The following YAF2 variants were observed in gnomAD, a reference collection of about 807,000 sequenced individuals.
YAF2 encodes YY1 associated factor 2.
In YAF2, 7 loss-of-function variants were observed where a neutral mutation model predicts 20.1. The ratio of observed to expected loss-of-function variants is 0.35; its 90% CI spans 0.20 to 0.65. YAF2 has a LOEUF of 0.65. YAF2 is among the 30% of genes least tolerant of loss of function. The probability of loss-of-function intolerance (pLI) is 0.69; values close to 1 mark genes in which losing one functional copy is unlikely to be tolerated. For missense variants in YAF2, 151 were observed against 219.2 expected (o/e 0.69, Z 1.96); for synonymous variants, 74 against 76.0 (o/e 0.97, Z 0.14).
intron 2 of YAF2, among the ~76,000 whole-genome samples, chr12:42,191,411 G>A (rs1042807835): frequency 6.6e-6 from 1 of 151,250 alleles, no homozygotes; most frequent in Non-Finnish European, 1.5e-5. Context: ...ATCTTGTTTT[G>A]ACCATCCATT....
At chr12:42,227,088 T>C (rs2067734929) in intron 2 of YAF2, among the ~76,000 whole-genome samples, 1 of 142,972 alleles carries the variant, frequency 7.0e-6, no homozygotes, top group Non-Finnish European at 1.5e-5. Context: ...GCCGGGAGGA[T>C]GGAGTTCAGC....
chr12:42,224,702 T>C (rs986527352), intron 2 of YAF2, among the ~76,000 whole-genome samples: 1 of 152,214 alleles, frequency 6.6e-6, no homozygotes, highest in African/African-American at 2.4e-5. Flanking sequence ...GCAAAGGACA[T>C]GAACTCATCC....
At chr12:42,227,678 C>A (rs1484639538) in intron 2 of YAF2, among the ~76,000 whole-genome samples, 1 of 150,878 alleles carries the variant, frequency 6.6e-6, no homozygotes, top group Admixed American at 6.6e-5. Flanking sequence ...AGCCTCTCCG[C>A]CCGGCAGCCA....
In YAF2 at chr12:42,157,718, A is replaced by G. The variant is rs2065732024; in HGVS notation, c.*2871T>C. ...AATAAAACCTTTATTTCTATTGTAT[A>G]ATACAAAAGGTTTTAAGAATATTCT... is the stretch of plus-strand genomic sequence containing the variant. On this transcript the variant is annotated 3_prime_UTR_variant, in exon 4 of 4. Coordinates refer to ENST00000534854, the MANE Select transcript of YAF2 (RefSeq NM_005748.6). 1.3e-5 allele frequency: 2 copies of G among 151,990 alleles called. No homozygotes were observed. The highest frequency in any genetic ancestry group is 4.1e-4 in the South Asian group (2 of 4,830). The allele number at this position is 151,990 out of a possible 1,614,324, so 9.4% of individuals were successfully genotyped here.
chr12:42,200,094 C>T (rs887541205), intron 2 of YAF2, among the ~76,000 whole-genome samples: 1 of 152,144 alleles, frequency 6.6e-6, no homozygotes, highest in African/African-American at 2.4e-5. Context: ...AGGCATTACA[C>T]TAAATTTTGG....
At chr12:42,222,893 T>C (rs376831455) in intron 2 of YAF2, among the ~76,000 whole-genome samples, 16 of 152,282 alleles carry the variant, frequency 1.1e-4, no homozygotes, top group Middle Eastern at 6.8e-3. Context: ...TGGCCATTAC[T>C]GTTAAGGAAT....
At chr12:42,201,808 G>A (rs780116391) in intron 2 of YAF2, among the ~76,000 whole-genome samples, 3 of 152,162 alleles carry the variant, frequency 2.0e-5, no homozygotes, top group Non-Finnish European at 4.4e-5. Context: ...CTGACCTCAA[G>A]TGAACCATCT....
chr12:42,225,191 C>T (rs1293783994), intron 2 of YAF2, among the ~76,000 whole-genome samples: 1 of 152,128 alleles, frequency 6.6e-6, no homozygotes, highest in East Asian at 1.9e-4. Context: ...TGTTCATATC[C>T]TTTGCCCACT....
chr12:42,170,837 A>G (rs2066028560), intron 2 of YAF2, among the ~76,000 whole-genome samples: 1 of 152,150 alleles, frequency 6.6e-6, no homozygotes, highest in African/African-American at 2.4e-5. Context: ...CCACCTCTCC[A>G]ATAGTATCAT....
chr12:42,180,734 A>G (rs1438236796), intron 2 of YAF2, among the ~76,000 whole-genome samples: 1 of 152,164 alleles, frequency 6.6e-6, no homozygotes, highest in Non-Finnish European at 1.5e-5. Context: ...GGATCGCTTG[A>G]GGCCAGGAGT....
At chr12:42,202,227 AGTTT>A (rs1371304005) in intron 2 of YAF2, among the ~76,000 whole-genome samples, 2 of 152,042 alleles carry the variant, frequency 1.3e-5, no homozygotes, top group East Asian at 3.9e-4. Context: ...ACTCTCTATT[AGTTT>A]GTCTTTTCCT....
intron 2 of YAF2, among the ~76,000 whole-genome samples, chr12:42,185,497 A>G (rs1349673408): frequency 1.3e-5 from 2 of 152,248 alleles, no homozygotes; most frequent in African/African-American, 2.4e-5. Flanking sequence ...ACTGCATGCT[A>G]CAGATGAATC....
intron 2 of YAF2, among the ~76,000 whole-genome samples, chr12:42,200,432 A>G (rs888466669): frequency 1.3e-5 from 2 of 152,194 alleles, no homozygotes; most frequent in African/African-American, 4.8e-5. Context: ...CTGCTGCTCC[A>G]CTACATCAGA....
At chr12:42,198,102 G>T (rs928241534) in intron 2 of YAF2, among the ~76,000 whole-genome samples, 1 of 151,828 alleles carries the variant, frequency 6.6e-6, no homozygotes, top group Non-Finnish European at 1.5e-5. Context: ...GTGAAATGTT[G>T]GGCCTCACCT....
At chr12:42,191,249 T>C (rs568761402) in intron 2 of YAF2, among the ~76,000 whole-genome samples, 1 of 152,354 alleles carries the variant, frequency 6.6e-6, no homozygotes, top group South Asian at 2.1e-4. Flanking sequence ...GCTTCATCTT[T>C]AAAAGGTAAA....
intron 2 of YAF2, among the ~76,000 whole-genome samples, chr12:42,162,210 A>G (rs2065814611): frequency 1.3e-5 from 2 of 152,148 alleles, no homozygotes; most frequent in African/African-American, 2.4e-5. Flanking sequence ...TCATTTATTC[A>G]TTTAATAAAC....
intron 2 of YAF2, among the ~76,000 whole-genome samples, chr12:42,207,640 C>G (rs953012314): frequency 1.3e-5 from 2 of 152,106 alleles, no homozygotes; most frequent in Non-Finnish European, 2.9e-5. Flanking sequence ...TGCCTGTAAT[C>G]CCAGCACTTT....
At chr12:42,205,722 T>C (rs1215079190) in intron 2 of YAF2, among the ~76,000 whole-genome samples, 1 of 152,176 alleles carries the variant, frequency 6.6e-6, no homozygotes, top group Non-Finnish European at 1.5e-5. Context: ...TTTTTATTAT[T>C]TCCTCTTCTT....
intron 2 of YAF2, among the ~76,000 whole-genome samples, chr12:42,221,462 T>C (rs191710336): frequency 4.7e-5 from 4 of 85,790 alleles, no homozygotes; most frequent in Admixed American, 3.9e-4. Context: ...TCCTAGCTAC[T>C]TGGGAGGTTG....
Sources: gnomAD v4.1 joint callset for allele counts (sites outside exome capture counted in the v4.1 genomes callset) on GRCh38, gnomAD v4.1.1 for gene constraint, MANE v1.5 for transcripts, NCBI Gene and HGNC (gene_info 2026-07-23, HGNC 2026-07-21) for gene names.